The following AMDHD1 variants were observed in gnomAD, a reference collection of about 807,000 sequenced individuals.
AMDHD1 encodes amidohydrolase domain containing 1.
A neutral mutation model predicts 44.1 loss-of-function variants in AMDHD1; 45 were observed. The observed-to-expected ratio is 1.02, with a 90% CI of 0.80 to 1.31. The LOEUF is 1.31. AMDHD1 is among the 50% of genes most tolerant of loss of function. The probability of loss-of-function intolerance (pLI) is 0.00; values close to 1 mark genes in which losing one functional copy is unlikely to be tolerated. For synonymous variants in AMDHD1, 206 were observed against 205.0 expected (o/e 1.00, Z -0.04); for missense variants, 586 against 552.1 (o/e 1.06, Z -0.61).
chr12:95,961,533 C>T (rs2080581471), intron 5 of AMDHD1, among the ~76,000 whole-genome samples: 1 of 152,192 alleles, frequency 6.6e-6, no homozygotes, highest in African/African-American at 2.4e-5. Context: ...GGCATAAATA[C>T]AGACATAGAT....
chr12:95,952,701 C>T lies in AMDHD1; in HGVS notation c.138-16C>T. On this transcript the variant is annotated splice_polypyrimidine_tract_variant and intron_variant, in intron 1 of 8. Coordinates refer to ENST00000266736, the MANE Select transcript of AMDHD1 (RefSeq NM_152435.3). ...ATTTCCCCAAATTTAATAACTATTT[C>T]TTGATTTTTCTTCAGAGATGGATTT... 6.6e-7 allele frequency: 1 copy of T among 1,510,590 alleles called. No homozygotes were observed. The highest frequency in any genetic ancestry group is 9.2e-7 in the Non-Finnish European group (1 of 1,092,430). 93.6% of individuals were successfully genotyped at this position (1,510,590 alleles called of 1,614,324 possible). A position where few individuals can be genotyped will look rare whatever the true frequency, so the allele number is the denominator to read the frequency against.
At position 95,960,454 on chromosome 12, in the gene AMDHD1, T is replaced by G. The variant is rs746949067; in HGVS notation, c.644T>G (p.Leu215Arg). The G allele has an allele frequency of 1.5e-5, 24 of 1,614,088 alleles. No individual in the cohort carries two copies. The highest frequency in any genetic ancestry group is 2.0e-5 in the Non-Finnish European group (24 of 1,180,038). Residue 215 changes from leucine to arginine, a missense_variant, in exon 5 of 9, where the codon CTG (leucine) becomes CGG (arginine). Leu to Arg is a moderately radical substitution (Grantham distance 102). Transcript: ENST00000266736. The stretch of plus-strand genomic sequence containing the variant: ...ATCATCAATAACCACCTCCCAAAGC[T>G]GAAGGAACTTGGCAGAAATGGGGAA... The part of the protein sequence containing the change: ...DDIINNHLPK[L>R]KELGRNGEIH...
intron 4 of AMDHD1, among the ~76,000 whole-genome samples, chr12:95,958,817 G>A (rs1410843318): frequency 6.6e-6 from 1 of 152,074 alleles, no homozygotes; most frequent in African/African-American, 2.4e-5. Context: ...GCACTTTGGG[G>A]GGCCGAGGCG....
intron 8 of AMDHD1, among the ~76,000 whole-genome samples, chr12:95,967,439 A>G (rs974241133): frequency 3.3e-5 from 5 of 152,224 alleles, no homozygotes; most frequent in Non-Finnish European, 7.3e-5. Context: ...CAAGTCCTCC[A>G]GAGACACCTG....
In AMDHD1 at chr12:95,956,842, A is replaced by G. The variant is rs749701037; in HGVS notation, c.467A>G (p.Lys156Arg). 1.2e-6 allele frequency: 2 copies of G among 1,614,136 alleles called. No homozygotes were observed. Among genetic ancestry groups the G allele is most frequent in the Non-Finnish European group, 1.7e-6 (2 of 1,179,972 alleles). Reference sequence around the variant, plus strand: ...GCTGGCACCACGCTGGTGGAGTGCAAGAGTGGATATGGCCTCGACCTGGAG... The same window carrying G: ...GCTGGCACCACGCTGGTGGAGTGCAGGAGTGGATATGGCCTCGACCTGGAG... ...MRAGTTLVEC[K>R]SGYGLDLETE... The change falls in exon 4 of 9, where the codon AAG becomes AGG. Residue 156 changes from lysine (K) to arginine (R), a missense_variant. Transcript: ENST00000266736.
chr12:95,957,787 T>C (rs1395519750), intron 4 of AMDHD1, among the ~76,000 whole-genome samples: 1 of 152,236 alleles, frequency 6.6e-6, no homozygotes, highest in Non-Finnish European at 1.5e-5. Flanking sequence ...GCATAGTGGC[T>C]CACACCTGTA....
chr12:95,949,154 A>AAAAAAGAAAAAAAAAAAAAAAAAAAAAAC (rs2080515144), intron 1 of AMDHD1, among the ~76,000 whole-genome samples: 1 of 146,462 alleles, frequency 6.8e-6, no homozygotes, highest in Admixed American at 6.8e-5. Context: ...AAAAAAAAAA[A>AAAAAAGAAAAAAAAAAAAAAAAAAAAAAC]AAAAAGAAAA....
chr12:95,962,631 A>G, intron 6 of AMDHD1, 152 bp downstream of exon 6: 1 of 972,396 alleles, frequency 1.0e-6, no homozygotes. Context: ...CCAACCCTGG[A>G]CTGATGTTCG....
At chr12:95,955,837 G>T (rs749436453) in intron 3 of AMDHD1, among the ~76,000 whole-genome samples, 18 of 152,170 alleles carry the variant, frequency 1.2e-4, no homozygotes, top group Non-Finnish European at 2.4e-4. Context: ...CTGGAGCCCA[G>T]TGGGACCCTA....
chr12:95,956,646 C>T, intron 3 of AMDHD1, 39 bp from the exon 4 acceptor site: 6 of 1,602,356 alleles, frequency 3.7e-6, no homozygotes, highest in Non-Finnish European at 5.1e-6. Context: ...CCTGCAACTT[C>T]CTGGCATGTG....
chr12:95,955,123 C>A, intron 3 of AMDHD1, 148 bp downstream of exon 3: 1 of 758,358 alleles, frequency 1.3e-6, no homozygotes, highest in Non-Finnish European at 2.2e-6. Context: ...AAACAAATGA[C>A]AACAAAACTT....
intron 2 of AMDHD1, among the ~76,000 whole-genome samples, chr12:95,954,253 AG>A (rs1289020793): frequency 6.6e-6 from 1 of 152,140 alleles, no homozygotes; most frequent in Non-Finnish European, 1.5e-5. Context: ...TTTGCCAACT[AG>A]GGGGCTTGAC....
At chr12:95,946,061 CTGTGTG>C (rs56658923) in intron 1 of AMDHD1, among the ~76,000 whole-genome samples, 3 of 122,580 alleles carry the variant, frequency 2.4e-5, no homozygotes, top group African/African-American at 5.3e-5. Context: ...CTCTTTCTCT[CTGTGTG>C]TGTGTGTGTG....
At chr12:95,954,311 TG>T (rs2080539144) in intron 2 of AMDHD1, among the ~76,000 whole-genome samples, 1 of 152,048 alleles carries the variant, frequency 6.6e-6, no homozygotes, top group Admixed American at 6.5e-5. Context: ...GGCTGATGCT[TG>T]TAATCCCAGC....
chr12:95,965,077 T>A (rs1180787008), intron 6 of AMDHD1, among the ~76,000 whole-genome samples: 1 of 152,038 alleles, frequency 6.6e-6, no homozygotes, highest in African/African-American at 2.4e-5. Context: ...GGTGGGTGGA[T>A]CACCTGAGGT....
intron 5 of AMDHD1, among the ~76,000 whole-genome samples, chr12:95,961,368 T>A (rs895555094): frequency 6.6e-6 from 1 of 152,148 alleles, no homozygotes; most frequent in East Asian, 1.9e-4. Flanking sequence ...TCAAATTAAT[T>A]CACTTATTCA....
At chr12:95,959,452 A>G (rs1326002434) in intron 4 of AMDHD1, among the ~76,000 whole-genome samples, 4 of 152,198 alleles carry the variant, frequency 2.6e-5, no homozygotes, top group East Asian at 1.9e-4. Flanking sequence ...TCTGCTGCCC[A>G]TGCTGGAGTG....
rs60076877 is a variant in AMDHD1, at chr12:95,964,928, C to CAAAAAAAAAAAAAAAAA, written c.939-751_939-735dup. On this transcript the variant is annotated intron_variant, in intron 6 of 8. Coordinates refer to ENST00000266736, the MANE Select transcript of AMDHD1 (RefSeq NM_152435.3). Reference sequence around the variant, plus strand: ...AAAGGACCTACAGAGATGTTTGAGGCAAAAAAAAAAAAAAAAAAAAAAAGA... The same window carrying CAAAAAAAAAAAAAAAAA: ...AAAGGACCTACAGAGATGTTTGAGGCAAAAAAAAAAAAAAAAAAAAAAAAAAAAAAAAAAAAAAAAGA... Among the ~76,000 whole-genome samples the CAAAAAAAAAAAAAAAAA allele has an allele frequency of 1.9e-3, 68 of 35,824 alleles. 21 individuals are homozygous for CAAAAAAAAAAAAAAAAA. Among genetic ancestry groups the CAAAAAAAAAAAAAAAAA allele is most frequent in the African/African-American group, 8.8e-3 (65 of 7,352 alleles). 23.5% of individuals were successfully genotyped at this position (35,824 alleles called of 152,430 possible). A position where few individuals can be genotyped will look rare whatever the true frequency, so the allele number is the denominator to read the frequency against.
chr12:95,943,421 T>A lies in AMDHD1; in HGVS notation c.23T>A (p.Leu8Gln). 1 of 1,504,940 alleles carries A rather than the reference T, an allele frequency of 6.6e-7. No individual in the cohort carries two copies. The highest frequency in any genetic ancestry group is 1.2e-5 in the South Asian group (1 of 81,524). The allele number at this position is 1,504,940 out of a possible 1,614,324, so 93.2% of individuals were successfully genotyped here. A position where few individuals can be genotyped will look rare whatever the true frequency, so the allele number is the denominator to read the frequency against. MASGHSL[L>Q]LENAQQVVLV... ...GACATGGCAAGCGGCCACAGCCTCC[T>A]GCTGGAGAACGCGCAGCAAGTGGTG... The change falls in exon 1 of 9, where the codon CTG becomes CAG. Residue 8 changes from leucine (L) to glutamine (Q), a missense_variant. Physicochemically the swap from Leu to Gln is moderately radical, Grantham distance 113. Coordinates refer to ENST00000266736, the MANE Select transcript of AMDHD1 (RefSeq NM_152435.3).
Sources: gnomAD v4.1 joint callset for allele counts (sites outside exome capture counted in the v4.1 genomes callset) on GRCh38, gnomAD v4.1.1 for gene constraint, MANE v1.5 for transcripts, NCBI Gene and HGNC (gene_info 2026-07-23, HGNC 2026-07-21) for gene names.